The following TDRD6 variants were observed in gnomAD, a reference collection of about 807,000 sequenced individuals.
TDRD6 encodes tudor domain-containing protein 6.
Under a neutral mutation model 157.5 loss-of-function variants are expected in TDRD6, and 186 were observed. The ratio of observed to expected loss-of-function variants is 1.18; its 90% CI spans 1.05 to 1.33. TDRD6 has a LOEUF of 1.33. Among genes scored for constraint, TDRD6 ranks in the 40% most tolerant of loss-of-function variants. TDRD6 has a pLI of 0.00. For synonymous variants in TDRD6, 1,075 were observed against 945.2 expected (o/e 1.14, Z -2.52); for missense variants, 3,066 against 2,508.0 (o/e 1.22, Z -4.75).
chr6:46,691,124 G>A lies in TDRD6; in HGVS notation c.2996G>A (p.Trp999Ter). The change falls in exon 1 of 4, where the codon TGG becomes TAG. Residue 999 changes from tryptophan (W) to a stop codon, truncating the protein, a stop_gained. Coordinates refer to ENST00000316081, the MANE Select transcript of TDRD6 (RefSeq NM_001010870.3). LOFTEE classifies it high-confidence loss of function. ...TATATAACGCATATTGATGACCCTT[G>A]GACATTTTATTGCCAGCTGGCAAGA... ...LVYITHIDDP[W>*]TFYCQLARNA... The A allele has an allele frequency of 1.2e-6, 2 of 1,613,862 alleles. No homozygotes were observed. Among genetic ancestry groups the A allele is most frequent in the Non-Finnish European group, 1.7e-6 (2 of 1,179,924 alleles).
chr6:46,688,052 A>G lies in TDRD6; in HGVS notation c.-77A>G. Reference sequence around the variant, plus strand: ...CCTAGTTTGGCTGGGACTCGCCTTCAGGCGGCGCGGAGGATTTCGAGGCCC... The same window carrying G: ...CCTAGTTTGGCTGGGACTCGCCTTCGGGCGGCGCGGAGGATTTCGAGGCCC... On this transcript the variant is annotated 5_prime_UTR_variant, in exon 1 of 4. Coordinates refer to ENST00000316081, the MANE Select transcript of TDRD6 (RefSeq NM_001010870.3). 1 of 1,394,160 alleles carries G rather than the reference A, an allele frequency of 7.2e-7. No homozygotes were observed. Among genetic ancestry groups the G allele is most frequent in the Non-Finnish European group, 9.2e-7 (1 of 1,082,312 alleles). 86.4% of individuals were successfully genotyped at this position (1,394,160 alleles called of 1,614,324 possible).
In TDRD6 at chr6:46,689,122, C is replaced by A; in HGVS notation, c.994C>A (p.Leu332Ile). The A allele has an allele frequency of 1.2e-6, 2 of 1,614,142 alleles. No individual in the cohort carries two copies. Among genetic ancestry groups the A allele is most frequent in the Middle Eastern group, 1.6e-4 (1 of 6,062 alleles). ...TGGACATTGGTACAGAGCACTGTTG[C>A]TTGAGACTTTTCGGCCCCAGCGCTG... ...LDGHWYRALL[L>I]ETFRPQRCAQ... Residue 332 changes from leucine to isoleucine, a missense_variant, in exon 1 of 4, where the codon CTT becomes ATT. Coordinates refer to ENST00000316081, the MANE Select transcript of TDRD6 (RefSeq NM_001010870.3).
In TDRD6 at chr6:46,687,886, T is replaced by G; in HGVS notation, c.-243T>G. The G allele has an allele frequency of 1.9e-6, 1 of 515,752 alleles. No homozygotes were observed. Among genetic ancestry groups the G allele is most frequent in the Non-Finnish European group, 3.2e-6 (1 of 310,342 alleles). The allele number at this position is 515,752 out of a possible 1,614,324, so 31.9% of individuals were successfully genotyped here. On this transcript the variant is annotated 5_prime_UTR_variant, in exon 1 of 4. Coordinates refer to ENST00000316081, the MANE Select transcript of TDRD6 (RefSeq NM_001010870.3). ...GGCGGCGCCGAGTGAGGTAAATGCG[T>G]GCCCGGAAGCGCGACCTCGGGCGGT...
chr6:46,698,071 A>T lies in TDRD6; in HGVS notation c.6245A>T (p.Asp2082Val). 6.2e-7 allele frequency: 1 copy of T among 1,607,094 alleles called. No homozygotes were observed. The highest frequency in any genetic ancestry group is 2.2e-5 in the East Asian group (1 of 44,788). ...GTCTGGAATGGCATACCCAAATTGG[A>T]TAAGAGTCCACCTGAGGTATGGAAT... ...ENVWNGIPKL[D>V]KSPPEKRGLE... Residue 2082 changes from aspartate to valine, a missense_variant, in exon 3 of 4, where the codon GAT (aspartate) becomes GTT (valine). Asp to Val is a radical substitution (Grantham distance 152). Coordinates refer to ENST00000316081, the MANE Select transcript of TDRD6 (RefSeq NM_001010870.3).
In TDRD6 at chr6:46,688,636, G is replaced by T. The variant is rs377517102; in HGVS notation, c.508G>T (p.Val170Phe). ...NLQGKEVHGC[V>F]LDVLLLHRLV... ...TCAGGGCAAGGAGGTGCACGGGTGC[G>T]TCCTGGACGTGCTGCTGCTCCATCG... The change falls in exon 1 of 4, where the codon GTC becomes TTC. Residue 170 changes from valine to phenylalanine, a missense_variant. By Grantham distance (50) the Val-to-Phe change is conservative (BLOSUM62 -1). Coordinates refer to ENST00000316081, the MANE Select transcript of TDRD6 (RefSeq NM_001010870.3). 3.8e-6 allele frequency: 6 copies of T among 1,599,248 alleles called. No homozygotes were observed. The highest frequency in any genetic ancestry group is 1.7e-5 in the Admixed American group (1 of 60,020).
rs763944301 is a variant in TDRD6 at position 46,690,688 on chromosome 6, T to A, written c.2560T>A (p.Tyr854Asn). ...VEHVNVTFVDYGDREMVSVKN... is the reference protein window; with the variant it reads ...VEHVNVTFVDNGDREMVSVKN... ...GCATGTCAATGTAACATTTGTAGAT[T>A]ATGGAGACAGAGAAATGGTATCTGT... The change falls in exon 1 of 4, where the codon TAT (tyrosine) becomes AAT (asparagine). Residue 854 changes from tyrosine to asparagine, a missense_variant. Transcript: ENST00000316081. The A allele has an allele frequency of 1.2e-6, 2 of 1,614,134 alleles. No homozygotes were observed. The highest frequency in any genetic ancestry group is 2.2e-5 in the South Asian group (2 of 91,074).
At position 46,692,263 on chromosome 6, in the gene TDRD6, C is replaced by G; in HGVS notation, c.4135C>G (p.Pro1379Ala). The change falls in exon 1 of 4, where the codon CCC becomes GCC. Residue 1379 changes from proline (P) to alanine (A), a missense_variant. Transcript: ENST00000316081. The stretch of plus-strand genomic sequence containing the variant: ...TCGTGCTGTGATCAAGGAGCAACAA[C>G]CCAATGACCTTCTCTCTGTGCAGTT... Reference protein sequence around the residue: ...WYRAVIKEQQPNDLLSVQFID... With the variant: ...WYRAVIKEQQANDLLSVQFID... The G allele has an allele frequency of 6.2e-7, 1 of 1,613,976 alleles. No homozygotes were observed.
chr6:46,703,969 T>G lies in TDRD6; in HGVS notation c.*2082T>G. ...TCTAATATTCTTAACCCTTCTCTAC[T>G]CCTTTTAGTCATCATTTGAAATTGT... is the stretch of plus-strand genomic sequence containing the variant. On this transcript the variant is annotated 3_prime_UTR_variant, in exon 4 of 4. Transcript: ENST00000316081. The G allele has an allele frequency of 6.5e-6, 1 of 153,504 alleles. No individual in the cohort carries two copies. The highest frequency in any genetic ancestry group is 1.9e-4 in the East Asian group (1 of 5,208). 9.5% of individuals were successfully genotyped at this position (153,504 alleles called of 1,614,324 possible).
Position 46,693,114 on chromosome 6 carries a change from G to T in TDRD6, c.4986G>T (p.Val1662=), listed in dbSNP as rs1271368382. The change falls in exon 1 of 4, where the codon GTG becomes GTT. Residue 1662 remains valine, a synonymous_variant. Coordinates refer to ENST00000316081, the MANE Select transcript of TDRD6 (RefSeq NM_001010870.3). ...TCTATGAAATAATAACAGAAGATGT[G>T]TTGGAAATAACAATACTAGAAATCA... is the stretch of plus-strand genomic sequence containing the variant. ...DYFYEIITED[V]LEITILEIRR... 1.9e-6 allele frequency: 3 copies of T among 1,613,260 alleles called. No individual in the cohort carries two copies. Among genetic ancestry groups the T allele is most frequent in the Non-Finnish European group, 2.5e-6 (3 of 1,179,810 alleles).
Position 46,691,069 on chromosome 6 carries a change from G to A in TDRD6, c.2941G>A (p.Asp981Asn). 6 of 1,613,796 alleles carry A rather than the reference G, an allele frequency of 3.7e-6. No homozygotes were observed. Among genetic ancestry groups the A allele is most frequent in the Non-Finnish European group, 5.1e-6 (6 of 1,179,852 alleles). Residue 981 changes from aspartate to asparagine, a missense_variant, in exon 1 of 4, where the codon GAT becomes AAT. By Grantham distance (23) the Asp-to-Asn change is conservative. Transcript: ENST00000316081. ...QLHSYFYSTH[D>N]MKIGSEELVY... ...ACATTCCTACTTCTATTCTACACAT[G>A]ATATGAAAATTGGAAGTGAAGAATT...
chr6:46,691,302 G>A lies in TDRD6; in HGVS notation c.3174G>A (p.Glu1058=). 2 of 1,614,078 alleles carry A rather than the reference G, an allele frequency of 1.2e-6. No individual in the cohort carries two copies. Among genetic ancestry groups the A allele is most frequent in the South Asian group, 2.2e-5 (2 of 91,080 alleles). ...ATAGGGGCATAGTAATAGAGAAAGA[G>A]CCAAAGAAAGTCTTCTTTGTTGATT... ...NWYRGIVIEK[E]PKKVFFVDFG... The change falls in exon 1 of 4, where the codon GAG becomes GAA. Residue 1058 remains glutamate, a synonymous_variant. Coordinates refer to ENST00000316081, the MANE Select transcript of TDRD6 (RefSeq NM_001010870.3).
rs774000484 is a variant in TDRD6, at chr6:46,690,671, A to G, written c.2543A>G (p.Asn848Ser). The change falls in exon 1 of 4, where the codon AAT becomes AGT. Residue 848 changes from asparagine to serine, a missense_variant. By Grantham distance (46) the Asn-to-Ser change is conservative (BLOSUM62 1). Coordinates refer to ENST00000316081, the MANE Select transcript of TDRD6 (RefSeq NM_001010870.3). ...GGGATACAGTCTGTGGAGCATGTCA[A>G]TGTAACATTTGTAGATTATGGAGAC... Reference protein sequence around the residue: ...ISGIQSVEHVNVTFVDYGDRE... With the variant: ...ISGIQSVEHVSVTFVDYGDRE... 63 of 1,614,092 alleles carry G rather than the reference A, an allele frequency of 3.9e-5. No individual in the cohort carries two copies. Among genetic ancestry groups the G allele is most frequent in the African/African-American group, 1.1e-4 (8 of 74,952 alleles).
In TDRD6 at chr6:46,688,528, C is replaced by G; in HGVS notation, c.400C>G (p.Leu134Val). The change falls in exon 1 of 4, where the codon CTG (leucine) becomes GTG (valine). Residue 134 changes from leucine (L) to valine (V), a missense_variant. Coordinates refer to ENST00000316081, the MANE Select transcript of TDRD6 (RefSeq NM_001010870.3). ...AGTGCTGGGCTGCGTGCTAGCGGGC[C>G]TGGTGCCGGCAGGCTGCGGCGCGGG... ...SEVLGCVLAG[L>V]VPAGCGAGSG... 1 of 1,571,160 alleles carries G rather than the reference C, an allele frequency of 6.4e-7. No individual in the cohort carries two copies. Among genetic ancestry groups the G allele is most frequent in the South Asian group, 1.1e-5 (1 of 88,340 alleles).
At chr6:46,687,071 GTAGACAT>G (rs1764115664), upstream of TDRD6, among the ~76,000 whole-genome samples, 1 of 152,210 alleles carries the variant, frequency 6.6e-6, no homozygotes, top group Non-Finnish European at 1.5e-5. Context: ...AAAATCTAAT[GTAGACAT>G]ATCCTGGAAA....
At chr6:46,685,300 T>C (rs924288572), upstream of TDRD6, among the ~76,000 whole-genome samples, 2 of 152,144 alleles carry the variant, frequency 1.3e-5, no homozygotes, top group African/African-American at 4.8e-5. Context: ...ATCCAGTAAA[T>C]GTTAATTTTT....
At position 46,692,105 on chromosome 6, in the gene TDRD6, A is replaced by C; in HGVS notation, c.3977A>C (p.Glu1326Ala). The change falls in exon 1 of 4, where the codon GAA becomes GCA. Residue 1326 changes from glutamate to alanine, a missense_variant. Physicochemically the swap from Glu to Ala is moderately radical, Grantham distance 107. Transcript: ENST00000316081. ...DLSDFYVQLI[E>A]DEAEISHLSE... is the part of the protein sequence containing the mutation. The stretch of plus-strand genomic sequence containing the variant: ...TCAGACTTTTATGTTCAACTAATAG[A>C]AGATGAAGCTGAAATTAGTCATCTT... 8 of 1,613,364 alleles carry C rather than the reference A, an allele frequency of 5.0e-6. No homozygotes were observed. The highest frequency in any genetic ancestry group is 3.3e-4 in the Middle Eastern group (2 of 6,058).
At chr6:46,701,282 G>A (rs1040008804) in intron 3 of TDRD6, among the ~76,000 whole-genome samples, 1 of 152,152 alleles carries the variant, frequency 6.6e-6, no homozygotes, top group Non-Finnish European at 1.5e-5. Context: ...TTTATTAATT[G>A]AATTAATCTT....
At position 46,689,090 on chromosome 6, in the gene TDRD6, G is replaced by A. The variant is rs766324698; in HGVS notation, c.962G>A (p.Gly321Asp). 4 of 1,614,106 alleles carry A rather than the reference G, an allele frequency of 2.5e-6. No individual in the cohort carries two copies. In the African/African-American group the frequency reaches 5.3e-5, roughly 22 times the overall value. Residue 321 changes from glycine (G) to aspartate (D), a missense_variant, in exon 1 of 4, where the codon GGC (glycine) becomes GAC (aspartate). Physicochemically the swap from Gly to Asp is moderately conservative, Grantham distance 94. Transcript: ENST00000316081. ...CCGGGCTCTCCGTGTGCATCCTGTG[G>A]CCTGGATGGACATTGGTACAGAGCA... ...DKPGSPCASC[G>D]LDGHWYRALL...
At position 46,690,070 on chromosome 6, in the gene TDRD6, G is replaced by A. The variant is rs781290826; in HGVS notation, c.1942G>A (p.Glu648Lys). ...DHQYVIEILD[E>K]SRTGEENISK... is the part of the protein sequence containing the mutation. ...TCAATATGTTATTGAGATTCTTGAC[G>A]AATCAAGAACAGGGGAAGAAAACAT... is the stretch of plus-strand genomic sequence containing the variant. The change falls in exon 1 of 4, where the codon GAA (glutamate) becomes AAA (lysine). Residue 648 changes from glutamate (E) to lysine (K), a missense_variant. Coordinates refer to ENST00000316081, the MANE Select transcript of TDRD6 (RefSeq NM_001010870.3). 2.5e-6 allele frequency: 4 copies of A among 1,613,986 alleles called. No individual in the cohort carries two copies. Among genetic ancestry groups the A allele is most frequent in the South Asian group, 2.2e-5 (2 of 91,058 alleles).
Sources: gnomAD v4.1 joint callset for allele counts (sites outside exome capture counted in the v4.1 genomes callset) on GRCh38, gnomAD v4.1.1 for gene constraint, MANE v1.5 for transcripts, NCBI Gene and HGNC (gene_info 2026-07-23, HGNC 2026-07-21) for gene names.